Variants in DDX31 observed in about 807,000 individuals in gnomAD.
DDX31 encodes ATP-dependent DNA helicase DDX31.
In DDX31, 70 loss-of-function variants were observed where a neutral mutation model predicts 91.3. That is an observed-to-expected ratio of 0.77 (90% CI 0.63 to 0.94). DDX31 has a LOEUF of 0.94. Among genes scored for constraint, DDX31 ranks in the 40% least tolerant of loss-of-function variants. DDX31 has a pLI of 0.00. For missense variants in DDX31, 902 were observed against 925.0 expected (o/e 0.98, Z 0.32); for synonymous variants, 362 against 350.6 (o/e 1.03, Z -0.36).
rs1228769239 is a variant in DDX31, at chr9:132,595,951, T to C, written c.1995-839A>G. Among the ~76,000 whole-genome samples the C allele has an allele frequency of 2.6e-5, 4 of 152,218 alleles. No individual in the cohort carries two copies. Among genetic ancestry groups the C allele is most frequent in the African/African-American group, 7.2e-5 (3 of 41,464 alleles). ...GTTCAATCATACATAAGAAGAATGA[T>C]TATGAAAACTGAAGAGTAAAACAAT... On this transcript the variant is annotated intron_variant, in intron 19 of 19. Coordinates refer to ENST00000372159, the MANE Select transcript of DDX31 (RefSeq NM_022779.9). This position sits in a 1 kb window ranked among gnomAD's most constrained non-coding sequence, Gnocchi z 4.6.
intron 19 of DDX31, among the ~76,000 whole-genome samples, chr9:132,606,929 C>T (rs1831061181): frequency 6.6e-6 from 1 of 152,144 alleles, no homozygotes; most frequent in African/African-American, 2.4e-5. Context: ...AACCAGAGAA[C>T]AACACAGCAC....
chr9:132,598,345 C>A (rs992337450), intron 19 of DDX31, among the ~76,000 whole-genome samples: 5 of 152,212 alleles, frequency 3.3e-5, no homozygotes, highest in African/African-American at 1.2e-4. Context: ...AACTTTCTCG[C>A]CCTCCTTGCC....
rs111342913 is a variant in DDX31 at position 132,622,456 on chromosome 9, A to T, written c.1713+3208T>A. On this transcript the variant is annotated intron_variant, in intron 17 of 19. Transcript: ENST00000372159. ...CTTGTTGCTGACAGAGTGGAGGGAG[A>T]TGCAGCTGCTCCGCTCCTTCTCTGG... Among the ~76,000 whole-genome samples the T allele has an allele frequency of 5.3e-4, 81 of 152,242 alleles. 1 individual carries two copies. The highest frequency in any genetic ancestry group is 2.0e-3 in the African/African-American group (81 of 41,534).
At chr9:132,643,319 C>T (rs948018711) in intron 13 of DDX31, among the ~76,000 whole-genome samples, 1 of 152,182 alleles carries the variant, frequency 6.6e-6, no homozygotes, top group Admixed American at 6.5e-5. Context: ...GCTCTATGCA[C>T]TTGAGTTGGT....
At chr9:132,614,137 T>G (rs960193288) in intron 18 of DDX31, among the ~76,000 whole-genome samples, 1 of 152,064 alleles carries the variant, frequency 6.6e-6, no homozygotes, top group Non-Finnish European at 1.5e-5. Context: ...TTATGAACAG[T>G]AATAAAAAGT....
chr9:132,632,279 CACACACACACACACACACAG>C lies in DDX31; in HGVS notation c.1441-208_1441-189del, dbSNP rs1590036015. ...ACACACACACACACACACACACACA[CACACACACACACACACACAG>C]TCCTGCATACAACTTCAGGGGGCTC... On this transcript the variant is annotated intron_variant, in intron 14 of 19. Transcript: ENST00000372159. Among the ~76,000 whole-genome samples, 84 of 147,540 alleles carry C rather than the reference CACACACACACACACACACAG, an allele frequency of 5.7e-4. 2 individuals are homozygous for C. The highest frequency in any genetic ancestry group is 1.2e-3 in the East Asian group (6 of 5,082).
In DDX31 at chr9:132,654,945, CAAAAAAAA is replaced by C. The variant is rs140953433; in HGVS notation, c.589-2461_589-2454del. ...AGGGCAACAGAGCGAGACTCTGTCT[CAAAAAAAA>C]AAAAAAAAAAAGAAGAAGAAGAAAC... is the stretch of plus-strand genomic sequence containing the variant. On this transcript the variant is annotated intron_variant, in intron 6 of 19. Coordinates refer to ENST00000372159, the MANE Select transcript of DDX31 (RefSeq NM_022779.9). Among the ~76,000 whole-genome samples the C allele has an allele frequency of 4.4e-5, 4 of 90,228 alleles. No homozygotes were observed. The Admixed American group carries it at 4.9e-4, about 11-fold the overall frequency. 59.2% of individuals were successfully genotyped at this position (90,228 alleles called of 152,430 possible).
intron 16 of DDX31, among the ~76,000 whole-genome samples, chr9:132,626,961 G>C (rs1239201924): frequency 6.6e-6 from 1 of 151,990 alleles, no homozygotes; most frequent in Non-Finnish European, 1.5e-5. Flanking sequence ...TGACTTCATG[G>C]GAAATCTATT....
At chr9:132,631,852 C>A (rs1299221075) in intron 15 of DDX31, among the ~76,000 whole-genome samples, 189 bp downstream of exon 15, 1 of 152,158 alleles carries the variant, frequency 6.6e-6, no homozygotes, top group African/African-American at 2.4e-5. Flanking sequence ...GGCTGTTTTG[C>A]TGCAGTGGTG....
chr9:132,647,245 G>A (rs1268851805), intron 11 of DDX31, among the ~76,000 whole-genome samples, 187 bp from the exon 12 acceptor site: 4 of 152,034 alleles, frequency 2.6e-5, no homozygotes, highest in Non-Finnish European at 4.4e-5. Flanking sequence ...ATCTACCAAC[G>A]TATCTTTCCA....
intron 18 of DDX31, among the ~76,000 whole-genome samples, chr9:132,618,083 G>A (rs946339750): frequency 7.2e-5 from 11 of 152,160 alleles, no homozygotes; most frequent in African/African-American, 2.7e-4. Flanking sequence ...CTCTAGTCCC[G>A]ATATAAGCCA....
At chr9:132,644,908 G>C (rs548926071) in intron 13 of DDX31, among the ~76,000 whole-genome samples, 3 of 152,296 alleles carry the variant, frequency 2.0e-5, no homozygotes, top group East Asian at 3.9e-4. Flanking sequence ...CGGTGTCCTT[G>C]AGTGACCTTG....
At chr9:132,603,779 G>A (rs1249501511) in intron 19 of DDX31, among the ~76,000 whole-genome samples, 1 of 152,160 alleles carries the variant, frequency 6.6e-6, no homozygotes, top group Non-Finnish European at 1.5e-5. Flanking sequence ...CCTGTTCTTT[G>A]TTGTCAGCCC....
chr9:132,640,628 T>C (rs1206085795), intron 14 of DDX31, among the ~76,000 whole-genome samples: 7 of 152,126 alleles, frequency 4.6e-5, no homozygotes, highest in East Asian at 1.9e-4. Context: ...TCCTGAGTAG[T>C]TGGAACTATG....
chr9:132,655,173 C>T (rs909811912), intron 6 of DDX31, among the ~76,000 whole-genome samples: 2 of 152,108 alleles, frequency 1.3e-5, no homozygotes, highest in African/African-American at 2.4e-5. Flanking sequence ...ATTTTACAGA[C>T]TGTAGAGTAT....
chr9:132,634,587 T>G (rs1307764844), intron 14 of DDX31, among the ~76,000 whole-genome samples: 3 of 68,328 alleles, frequency 4.4e-5, no homozygotes. Flanking sequence ...CCTAAGATGT[T>G]TTTTTTTTTT....
chr9:132,663,231 C>T (rs933076318), intron 1 of DDX31: 1 of 1,289,222 alleles, frequency 7.8e-7, no homozygotes, highest in East Asian at 5.6e-5. Context: ...CCATTCTACC[C>T]TAGCGCCTGG....
In DDX31 at chr9:132,662,385, G is replaced by A. The variant is rs1238983803; in HGVS notation, c.333-49C>T. 1.9e-6 allele frequency: 3 copies of A among 1,613,820 alleles called. No individual in the cohort carries two copies. In the Admixed American group the frequency reaches 5.0e-5, roughly 27 times the overall value. ...AGGCATCAGTGCCAATATTAACAAA[G>A]AAAAGGCAGAACACATTTTTTTCTT... On this transcript the variant is annotated intron_variant, in intron 2 of 19. Coordinates refer to ENST00000372159, the MANE Select transcript of DDX31 (RefSeq NM_022779.9).
intron 14 of DDX31, among the ~76,000 whole-genome samples, chr9:132,632,727 A>T (rs886881185): frequency 6.6e-6 from 1 of 152,066 alleles, no homozygotes; most frequent in African/African-American, 2.4e-5. Context: ...CCCTACCCCC[A>T]TCTCTTCAGG....
Sources: gnomAD v4.1 joint callset for allele counts (sites outside exome capture counted in the v4.1 genomes callset) on GRCh38, gnomAD v4.1.1 for gene constraint, Gnocchi (gnomAD v3.1) non-coding constraint, MANE v1.5 for transcripts, NCBI Gene and HGNC (gene_info 2026-07-23, HGNC 2026-07-21) for gene names.